Variants in NIPBL observed in about 807,000 individuals in gnomAD.
NIPBL encodes the protein nipped-B-like protein.
In NIPBL, 19 loss-of-function variants were observed where a neutral mutation model predicts 321.8. That is an observed-to-expected ratio of 0.06 (90% CI 0.04 to 0.09). The LOEUF (loss-of-function observed/expected upper bound fraction) is 0.09. Ranked by LOEUF, NIPBL falls within the 10% of genes least tolerant of loss-of-function variation. NIPBL has a pLI of 1.00. For synonymous variants in NIPBL, 1,106 were observed against 1,114.1 expected, an observed-to-expected ratio of 0.99 and a Z score of 0.14; for missense variants, 2,210 against 3,327.0, an observed-to-expected ratio of 0.66 and a Z score of 8.26.
Position 36,986,156 on chromosome 5 carries a change from T to G in NIPBL, c.2976T>G (p.Val992=), listed in dbSNP as rs773295913. ...PKDKVEKIGL[V]EDLNKGAKPV... is the part of the protein sequence containing the mutation. Reference sequence around the variant, plus strand: ...ACAAAGTAGAAAAAATAGGATTAGTTGAAGATCTAAATAAAGGAGCTAAGC... The same window carrying G: ...ACAAAGTAGAAAAAATAGGATTAGTGGAAGATCTAAATAAAGGAGCTAAGC... Residue 992 remains valine (V), a synonymous_variant, in exon 10 of 47, where the codon GTT becomes GTG. Transcript: ENST00000282516. The G allele has an allele frequency of 6.2e-6, 10 of 1,613,778 alleles. No individual in the cohort carries two copies. The highest frequency in any genetic ancestry group is 8.5e-6 in the Non-Finnish European group (10 of 1,179,874).
At chr5:37,055,831 C>A (rs1375821867) in intron 42 of NIPBL, among the ~76,000 whole-genome samples, 1 of 151,972 alleles carries the variant, frequency 6.6e-6, no homozygotes, top group Non-Finnish European at 1.5e-5. Context: ...CATAGTGAGA[C>A]CCTATCTCTA....
At chr5:36,936,275 C>G (rs1009228948) in intron 1 of NIPBL, among the ~76,000 whole-genome samples, 2 of 152,086 alleles carry the variant, frequency 1.3e-5, no homozygotes, top group Non-Finnish European at 2.9e-5. Context: ...CAGTCATGCA[C>G]CATATGATGA....
rs1003426983 is a variant in NIPBL at position 36,957,959 on chromosome 5, G to C, written c.231-145G>C. On this transcript the variant is annotated intron_variant, in intron 3 of 46. Coordinates refer to ENST00000282516, the MANE Select transcript of NIPBL (RefSeq NM_133433.4). Reference sequence around the variant, plus strand: ...GATTGTACCATTGCACTCCAGCCTGGGGGACAAGAGTGAGACTTCGTCTCA... The same window carrying C: ...GATTGTACCATTGCACTCCAGCCTGCGGGACAAGAGTGAGACTTCGTCTCA... The C allele has an allele frequency of 9.9e-6, 7 of 704,510 alleles. No individual in the cohort carries two copies. The East Asian group carries it at 1.9e-4, about 19-fold the overall frequency. 43.6% of individuals were successfully genotyped at this position (704,510 alleles called of 1,614,324 possible).
chr5:36,977,182 A>G (rs776044781), intron 9 of NIPBL, among the ~76,000 whole-genome samples: 1 of 152,084 alleles, frequency 6.6e-6, no homozygotes, highest in African/African-American at 2.4e-5. Context: ...ATAATTGATG[A>G]ATTTGATTGC....
rs185086628 is a variant in NIPBL, at chr5:36,908,764, C to T, written c.-80+31586C>T. 1.2e-3 allele frequency among the ~76,000 whole-genome samples: 179 copies of T among 152,310 alleles called. 1 individual carries two copies. Among genetic ancestry groups the T allele is most frequent in the African/African-American group, 4.2e-3 (174 of 41,562 alleles). Reference sequence around the variant, plus strand: ...CTTGGAAAGCAAAAAGAGAAATGGTCTGTACCAGTAAGCCACAGTATTAAA... The same window carrying T: ...CTTGGAAAGCAAAAAGAGAAATGGTTTGTACCAGTAAGCCACAGTATTAAA... On this transcript the variant is annotated intron_variant, in intron 1 of 46. Coordinates refer to ENST00000282516, the MANE Select transcript of NIPBL (RefSeq NM_133433.4).
At chr5:37,007,505 T>A (rs1747578230) in intron 18 of NIPBL, 31 bp downstream of exon 18, 2 of 1,519,642 alleles carry the variant, frequency 1.3e-6, no homozygotes, top group East Asian at 4.5e-5. Flanking sequence ...TTTTGTATAT[T>A]TCTAAACTAA....
chr5:36,985,166 A>G lies in NIPBL; in HGVS notation c.1986A>G (p.Lys662=). ...KQNESRTTEC[K]QNESTIVEPK... Reference sequence around the variant, plus strand: ...ATGAGAGCAGAACAACTGAATGCAAACAAAACGAGAGCACCATAGTTGAGC... The same window carrying G: ...ATGAGAGCAGAACAACTGAATGCAAGCAAAACGAGAGCACCATAGTTGAGC... Residue 662 remains lysine (K), a synonymous_variant, in exon 10 of 47, where the codon AAA becomes AAG. Coordinates refer to ENST00000282516, the MANE Select transcript of NIPBL (RefSeq NM_133433.4). The G allele has an allele frequency of 3.1e-6, 5 of 1,613,998 alleles. No homozygotes were observed. The highest frequency in any genetic ancestry group is 4.5e-5 in the East Asian group (2 of 44,886).
intron 1 of NIPBL, among the ~76,000 whole-genome samples, chr5:36,931,481 C>A (rs1402863138): frequency 1.3e-5 from 2 of 151,968 alleles, no homozygotes; most frequent in Non-Finnish European, 2.9e-5. Context: ...CCATGCCTGG[C>A]TAATTTTTGT....
intron 1 of NIPBL, among the ~76,000 whole-genome samples, chr5:36,903,294 C>T (rs184386556): frequency 1.3e-5 from 2 of 152,184 alleles, no homozygotes; most frequent in Non-Finnish European, 2.9e-5. Context: ...GCTAGGGCTT[C>T]TAGTACTATG....
intron 32 of NIPBL, among the ~76,000 whole-genome samples, chr5:37,034,103 T>G (rs556037546): frequency 6.6e-6 from 1 of 152,074 alleles, no homozygotes; most frequent in Non-Finnish European, 1.5e-5. Context: ...TAATAGGCAT[T>G]TCATGGAGAA....
chr5:36,990,376 C>T (rs1745362716), intron 10 of NIPBL, among the ~76,000 whole-genome samples: 1 of 152,134 alleles, frequency 6.6e-6, no homozygotes, highest in South Asian at 2.1e-4. Flanking sequence ...TCAGCTTCTG[C>T]AAGTCTGAAA....
chr5:37,039,921 T>C (rs1484708828), intron 34 of NIPBL, among the ~76,000 whole-genome samples: 1 of 152,186 alleles, frequency 6.6e-6, no homozygotes, highest in East Asian at 1.9e-4. Context: ...TTGTGGCTAA[T>C]AATAGCTAAT....
chr5:37,056,776 A>G (rs1236964583), intron 42 of NIPBL, among the ~76,000 whole-genome samples: 1 of 152,160 alleles, frequency 6.6e-6, no homozygotes, highest in Non-Finnish European at 1.5e-5. Context: ...ATACTTTCTG[A>G]TATGGTATGG....
At chr5:37,033,471 G>A (rs1345729748) in intron 32 of NIPBL, among the ~76,000 whole-genome samples, 1 of 151,258 alleles carries the variant, frequency 6.6e-6, no homozygotes, top group Non-Finnish European at 1.5e-5. Context: ...GAATATGCTT[G>A]CTATAAAACA....
At chr5:36,885,303 C>G (rs1338997896) in intron 1 of NIPBL, 1 of 498,002 alleles carries the variant, frequency 2.0e-6, no homozygotes, top group African/African-American at 2.0e-5. Context: ...AGCAGTGCAG[C>G]CAGCGTCTAT....
chr5:36,898,229 T>C (rs979275249), intron 1 of NIPBL, among the ~76,000 whole-genome samples: 5 of 152,182 alleles, frequency 3.3e-5, no homozygotes, highest in African/African-American at 1.2e-4. Context: ...AAAGTATGCT[T>C]GTTTAATAAG....
intron 8 of NIPBL, among the ~76,000 whole-genome samples, chr5:36,973,663 G>T (rs1203029178): frequency 6.6e-6 from 1 of 152,058 alleles, no homozygotes; most frequent in Non-Finnish European, 1.5e-5. Flanking sequence ...TAGAGACAGG[G>T]TTTCACCATG....
chr5:36,887,401 T>A (rs994105657), intron 1 of NIPBL, among the ~76,000 whole-genome samples: 1 of 152,184 alleles, frequency 6.6e-6, no homozygotes, highest in Non-Finnish European at 1.5e-5. Context: ...TGAATAACAG[T>A]CACAGCCTCT....
intron 30 of NIPBL, among the ~76,000 whole-genome samples, chr5:37,025,228 G>C (rs1269271489): frequency 6.6e-6 from 1 of 152,186 alleles, no homozygotes; most frequent in Non-Finnish European, 1.5e-5. Context: ...ACTCCTGCCT[G>C]GGCAAGGGTG....
Sources: gnomAD v4.1 joint callset for allele counts (sites outside exome capture counted in the v4.1 genomes callset) on GRCh38, gnomAD v4.1.1 for gene constraint, MANE v1.5 for transcripts, NCBI Gene and HGNC (gene_info 2026-07-23, HGNC 2026-07-21) for gene names.